The following MYBPC3 variants were observed in gnomAD, a reference collection of about 807,000 sequenced individuals.
MYBPC3 encodes the protein myosin binding protein C3.
A neutral mutation model predicts 159.3 loss-of-function variants in MYBPC3; 108 were observed. The observed-to-expected ratio is 0.68, with a 90% CI of 0.58 to 0.80. The LOEUF (loss-of-function observed/expected upper bound fraction) is 0.80. MYBPC3 is among the 30% of genes least tolerant of loss of function. MYBPC3 has a pLI of 0.00. For synonymous variants in MYBPC3, 730 were observed against 702.0 expected, an observed-to-expected ratio of 1.04 and a Z score of -0.63; for missense variants, 1,631 against 1,762.1, an observed-to-expected ratio of 0.93 and a Z score of 1.33.
rs1490920740 is a variant in MYBPC3 at position 47,332,574 on chromosome 11, T to C, written c.3619A>G (p.Ser1207Gly). ...CGCCTAAAGTTCCCTACCTTGGGGC[T>C]ACCCCGGACAGCACAGCAGAGCATA... ...TAMLCCAVRG[S>G]PKPKISWFKN... The change falls in exon 32 of 35, where the codon AGC (serine) becomes GGC (glycine). Residue 1207 changes from serine to glycine, a missense_variant. By Grantham distance (56) the Ser-to-Gly change is moderately conservative. Coordinates refer to ENST00000545968, the MANE Select transcript of MYBPC3 (RefSeq NM_000256.3). This position sits in a 1 kb window ranked among gnomAD's most constrained non-coding sequence, Gnocchi z 4.2. 1 of 1,608,566 alleles carries C rather than the reference T, an allele frequency of 6.2e-7. No homozygotes were observed. The highest frequency in any genetic ancestry group is 1.3e-5 in the African/African-American group (1 of 74,788).
Position 47,346,670 on chromosome 11 carries a change from A to G in MYBPC3, c.909-26T>C. On this transcript the variant is annotated intron_variant, in intron 10 of 34. Transcript: ENST00000545968. This position sits in a 1 kb window ranked among gnomAD's most constrained non-coding sequence, Gnocchi z 5.3. ...CTGCTCCAGGGGTGGGGGTGGGAGA[A>G]AGGGTAGGTGGCACATGAGAGGTAT... 1 of 1,597,290 alleles carries G rather than the reference A, an allele frequency of 6.3e-7. No individual in the cohort carries two copies. The highest frequency in any genetic ancestry group is 8.5e-7 in the Non-Finnish European group (1 of 1,170,874).
intron 33 of MYBPC3, 80 bp from the exon 34 acceptor site, chr11:47,331,961 G>GC: frequency 6.3e-7 from 1 of 1,593,794 alleles, no homozygotes. Flanking sequence ...CAGGGTCCGT[G>GC]CCCTTGCAGC....
At chr11:47,342,260 G>A (rs2095889474) in intron 17 of MYBPC3, 104 bp from the exon 18 acceptor site, 2 of 1,370,518 alleles carry the variant, frequency 1.5e-6, no homozygotes, top group African/African-American at 1.4e-5. Context: ...GCACGTGTCT[G>A]GGTGCATGTG....
rs2095883584 is a variant in MYBPC3 at position 47,337,505 on chromosome 11, T to A, written c.2488A>T (p.Ser830Cys). The A allele has an allele frequency of 6.2e-7, 1 of 1,613,850 alleles. No homozygotes were observed. The highest frequency in any genetic ancestry group is 8.5e-7 in the Non-Finnish European group (1 of 1,179,894). The change falls in exon 25 of 35, where the codon AGT (serine) becomes TGT (cysteine). Residue 830 changes from serine to cysteine, a missense_variant. Ser to Cys is a moderately radical substitution (Grantham distance 112). Transcript: ENST00000545968. ...TCGATCATGCGCCGCGCTTCATGAC[T>A]CAGCTCCTGAATCAGGTCGAAGTTC... ...RLNFDLIQEL[S>C]HEARRMIEGV...
At position 47,335,899 on chromosome 11, in the gene MYBPC3, G is replaced by A. The variant is rs759920601; in HGVS notation, c.2715C>T (p.Ser905=). 16 of 1,536,606 alleles carry A rather than the reference G, an allele frequency of 1.0e-5. No individual in the cohort carries two copies. In the South Asian group the frequency reaches 1.2e-4, roughly 12 times the overall value. ...CACAGCCCTCTGGGCAGTACTCCAC[G>A]CTGTAGCCATCCAGGCCTCCTGCTC... ...RVGAGGLDGY[S]VEYCPEGCSE... is the part of the protein sequence containing the mutation. The change falls in exon 26 of 35, where the codon AGC becomes AGT. Residue 905 remains serine, a synonymous_variant. Coordinates refer to ENST00000545968, the MANE Select transcript of MYBPC3 (RefSeq NM_000256.3).
rs781764759 is a variant in MYBPC3, at chr11:47,342,579, C to G, written c.1623G>C (p.Gln541His). The G allele has an allele frequency of 1.9e-6, 3 of 1,596,110 alleles. No homozygotes were observed. The highest frequency in any genetic ancestry group is 2.6e-6 in the Non-Finnish European group (3 of 1,170,680). ...GGQALAELIV[Q>H]EKKLEVYQSI... Reference sequence around the variant, plus strand: ...ATGTGCCCCCCCAGCCAGGCTCACCCTGCACAATGAGCTCAGCCAGCGCCT... The same window carrying G: ...ATGTGCCCCCCCAGCCAGGCTCACCGTGCACAATGAGCTCAGCCAGCGCCT... The change falls in exon 17 of 35, where the codon CAG (glutamine) becomes CAC (histidine). Residue 541 changes from glutamine (Q) to histidine (H), a missense_variant and splice_region_variant. Physicochemically the swap from Gln to His is conservative, Grantham distance 24. Coordinates refer to ENST00000545968, the MANE Select transcript of MYBPC3 (RefSeq NM_000256.3).
chr11:47,351,215 A>T lies in MYBPC3; in HGVS notation c.292+24T>A, dbSNP rs375013326. On this transcript the variant is annotated intron_variant, in intron 2 of 34. Coordinates refer to ENST00000545968, the MANE Select transcript of MYBPC3 (RefSeq NM_000256.3). This position sits in a 1 kb window ranked among gnomAD's most constrained non-coding sequence, Gnocchi z 4.2. ...CCCCTCCCCCAGCAGCCCAAACCTC[A>T]GGGAAGGCTGATCAGGATCTTACCT... is the stretch of plus-strand genomic sequence containing the variant. 1.3e-5 allele frequency: 19 copies of T among 1,492,552 alleles called. No individual in the cohort carries two copies. In the African/African-American group the frequency reaches 2.5e-4, roughly 20 times the overall value. The allele number at this position is 1,492,552 out of a possible 1,614,324, so 92.5% of individuals were successfully genotyped here.
At position 47,339,749 on chromosome 11, in the gene MYBPC3, C is replaced by G; in HGVS notation, c.1969G>C (p.Asp657His). ...TTTCCAGCTACAACCACAATGGTGT[C>G]TGGTATGCGGCCTGGGCAGTCCAGG... is the stretch of plus-strand genomic sequence containing the variant. ...IHLDCPGRIP[D>H]TIVVVAGNKL... Residue 657 changes from aspartate (D) to histidine (H), a missense_variant, in exon 21 of 35, where the codon GAC (aspartate) becomes CAC (histidine). By Grantham distance (81) the Asp-to-His change is moderately conservative. Coordinates refer to ENST00000545968, the MANE Select transcript of MYBPC3 (RefSeq NM_000256.3). 6 of 1,613,948 alleles carry G rather than the reference C, an allele frequency of 3.7e-6. No individual in the cohort carries two copies. The highest frequency in any genetic ancestry group is 5.1e-6 in the Non-Finnish European group (6 of 1,179,836).
In MYBPC3 at chr11:47,342,726, C is replaced by T. The variant is rs2142861184; in HGVS notation, c.1476G>A (p.Glu492=). ...ATTTGAAGGTCTCCTCCCGGGTCAG[C>T]TCCACCCCGTCCTTCAGCCTAGCCG... ...AQVKWLKDGV[E]LTREETFKYR... is the part of the protein sequence containing the mutation. The change falls in exon 17 of 35, where the codon GAG becomes GAA. Residue 492 remains glutamate, a synonymous_variant. Transcript: ENST00000545968. 6.2e-6 allele frequency: 10 copies of T among 1,614,000 alleles called. No individual in the cohort carries two copies. The highest frequency in any genetic ancestry group is 7.6e-6 in the Non-Finnish European group (9 of 1,179,870).
At position 47,331,534 on chromosome 11, in the gene MYBPC3, G is replaced by A. The variant is rs2095874443; in HGVS notation, c.*209C>T. 1 of 287,282 alleles carries A rather than the reference G, an allele frequency of 3.5e-6. No homozygotes were observed. Among genetic ancestry groups the A allele is most frequent in the East Asian group, 5.8e-5 (1 of 17,152 alleles). The allele number at this position is 287,282 out of a possible 1,614,324, so 17.8% of individuals were successfully genotyped here. Reference sequence around the variant, plus strand: ...CTCCTTTTACCCCAAAGATCCAGGGGCTTCCTTCAGGAGCCCTGTGGACCA... The same window carrying A: ...CTCCTTTTACCCCAAAGATCCAGGGACTTCCTTCAGGAGCCCTGTGGACCA... On this transcript the variant is annotated 3_prime_UTR_variant, in exon 35 of 35. Transcript: ENST00000545968.
rs762834457 is a variant in MYBPC3, at chr11:47,349,825, G to A, written c.603C>T (p.Ser201=). The A allele has an allele frequency of 1.2e-6, 2 of 1,611,400 alleles. No individual in the cohort carries two copies. Among genetic ancestry groups the A allele is most frequent in the South Asian group, 1.1e-5 (1 of 90,904 alleles). ...WFKGKWVDLS[S]KVGQHLQLHD... is the part of the protein sequence containing the mutation. ...GCAGCTGCAGGTGCTGGCCCACCTT[G>A]CTGCTCAGGTCCACCCATTTGCCCT... is the stretch of plus-strand genomic sequence containing the variant. The change falls in exon 5 of 35, where the codon AGC becomes AGT. Residue 201 remains serine, a synonymous_variant. Coordinates refer to ENST00000545968, the MANE Select transcript of MYBPC3 (RefSeq NM_000256.3).
In MYBPC3 at chr11:47,332,322, C is replaced by A; in HGVS notation, c.3628-64G>T. ...GCTGAGAGGGGACCTGGCAGGGACC[C>A]AGGGAGACACATCTGTGTTTCTACT... is the stretch of plus-strand genomic sequence containing the variant. On this transcript the variant is annotated intron_variant, in intron 32 of 34. Transcript: ENST00000545968. This position sits in a 1 kb window ranked among gnomAD's most constrained non-coding sequence, Gnocchi z 4.2. 1 of 1,556,816 alleles carries A rather than the reference C, an allele frequency of 6.4e-7. No individual in the cohort carries two copies. The highest frequency in any genetic ancestry group is 2.2e-5 in the East Asian group (1 of 44,570).
Position 47,331,829 on chromosome 11 carries a change from G to A in MYBPC3, c.*26+16C>T, listed in dbSNP as rs371789899. ...TCAGCCACTGACTTGTGCCCTGGGT[G>A]TCGGGTGGTACATACCTGGCCATCC... On this transcript the variant is annotated intron_variant, in intron 34 of 34. Transcript: ENST00000545968. The A allele has an allele frequency of 3.1e-6, 5 of 1,597,832 alleles. No homozygotes were observed. Among genetic ancestry groups the A allele is most frequent in the Non-Finnish European group, 4.3e-6 (5 of 1,172,726 alleles).
At chr11:47,343,187 A>T (rs777977738) in intron 14 of MYBPC3, 42 bp from the exon 15 acceptor site, 1 of 1,597,640 alleles carries the variant, frequency 6.3e-7, no homozygotes, top group South Asian at 1.1e-5. Flanking sequence ...AGCTGCGGAC[A>T]CCCCTCCGGG....
Position 47,336,014 on chromosome 11 carries a change from G to A in MYBPC3, c.2603-3C>T. 1 of 1,509,108 alleles carries A rather than the reference G, an allele frequency of 6.6e-7. No individual in the cohort carries two copies. The highest frequency in any genetic ancestry group is 1.4e-5 in the South Asian group (1 of 74,054). 93.5% of individuals were successfully genotyped at this position (1,509,108 alleles called of 1,614,324 possible). On this transcript the variant is annotated splice_polypyrimidine_tract_variant and splice_region_variant and intron_variant, in intron 25 of 34. Transcript: ENST00000545968. ...GTGGGTGGGTTCGCTGGGGGGACCT[G>A]GGCAGAGGAGAGGTCAGAGAGGGGT...
rs907032320 is a variant in MYBPC3, at chr11:47,342,285, C to T, written c.1625-129G>A. On this transcript the variant is annotated intron_variant, in intron 17 of 34. Coordinates refer to ENST00000545968, the MANE Select transcript of MYBPC3 (RefSeq NM_000256.3). Reference sequence around the variant, plus strand: ...GGGTGCATGTGGGCATGTGAAAACACGTGTGCCTGTGTGTGCCATGTTTGC... The same window carrying T: ...GGGTGCATGTGGGCATGTGAAAACATGTGTGCCTGTGTGTGCCATGTTTGC... The T allele has an allele frequency of 6.8e-5, 84 of 1,228,732 alleles. 1 individual carries two copies. The highest frequency in any genetic ancestry group is 8.8e-5 in the Non-Finnish European group (79 of 898,288). The allele number at this position is 1,228,732 out of a possible 1,614,324, so 76.1% of individuals were successfully genotyped here. A position where few individuals can be genotyped will look rare whatever the true frequency, so the allele number is the denominator to read the frequency against.
chr11:47,333,472 TG>T (rs2095879295), intron 29 of MYBPC3, 84 bp downstream of exon 29: 1 of 1,556,440 alleles, frequency 6.4e-7, no homozygotes, highest in Non-Finnish European at 8.7e-7. Context: ...AGCTGTGGGT[TG>T]GGTCCCCTGG....
At position 47,332,695 on chromosome 11, in the gene MYBPC3, G is replaced by C. The variant is rs373620343; in HGVS notation, c.3498C>G (p.Thr1166=). The C allele has an allele frequency of 2.5e-6, 4 of 1,608,812 alleles. No individual in the cohort carries two copies. In the African/African-American group the frequency reaches 5.3e-5, roughly 22 times the overall value. Residue 1166 remains threonine (T), a synonymous_variant, in exon 32 of 35, where the codon ACC becomes ACG. Transcript: ENST00000545968. This position sits in a 1 kb window ranked among gnomAD's most constrained non-coding sequence, Gnocchi z 4.2. ...EPVFIPRPGI[T]YEPPNYKALD... is the part of the protein sequence containing the mutation. ...GGGCCTTATAGTTGGGTGGCTCATAGGTGATGCCTGTTGGTGACAGGACTT... is the reference window on the plus strand; with the variant it reads ...GGGCCTTATAGTTGGGTGGCTCATACGTGATGCCTGTTGGTGACAGGACTT...
intron 2 of MYBPC3, 56 bp from the exon 3 acceptor site, chr11:47,350,671 CCT>C (rs979241349): frequency 4.2e-6 from 6 of 1,418,282 alleles, no homozygotes; most frequent in Admixed American, 7.0e-5. Flanking sequence ...ACCCCTCCAC[CCT>C]CTCTCTCCTG....
Sources: allele counts gnomAD v4.1 joint callset, GRCh38; gene constraint gnomAD v4.1.1; non-coding constraint Gnocchi (gnomAD v3.1); transcripts MANE v1.5; gene names NCBI Gene and HGNC (gene_info 2026-07-23, HGNC 2026-07-21).